The following MLLT3 variants were observed in gnomAD, a reference collection of about 807,000 sequenced individuals.
MLLT3 encodes the protein protein AF-9.
Under a neutral mutation model 53.2 loss-of-function variants are expected in MLLT3, and 4 were observed. That is an observed-to-expected ratio of 0.08 (90% CI 0.04 to 0.17). The LOEUF (loss-of-function observed/expected upper bound fraction) is 0.17, where lower values mean the gene tolerates loss of function less well. Ranked by LOEUF, MLLT3 falls within the 10% of genes least tolerant of loss-of-function variation. The pLI, the probability that MLLT3 is intolerant of heterozygous loss-of-function variation, is 1.00. For synonymous variants in MLLT3, 283 were observed against 230.6 expected, an observed-to-expected ratio of 1.23 and a Z score of -2.06; for missense variants, 569 against 684.0, an observed-to-expected ratio of 0.83 and a Z score of 1.87.
chr9:20,599,608 A>G (rs191231544), intron 2 of MLLT3, among the ~76,000 whole-genome samples: 30 of 152,336 alleles, frequency 2.0e-4, no homozygotes, highest in Non-Finnish European at 2.6e-4. Flanking sequence ...GATATGACCT[A>G]GAAGCATGGT....
At chr9:20,404,896 T>A (rs1484770326) in intron 5 of MLLT3, among the ~76,000 whole-genome samples, 1 of 152,104 alleles carries the variant, frequency 6.6e-6, no homozygotes, top group African/African-American at 2.4e-5. Flanking sequence ...ACTGGCCAGG[T>A]ATGGCTATGT....
chr9:20,446,121 T>C (rs1411270370), intron 4 of MLLT3, among the ~76,000 whole-genome samples: 3 of 152,218 alleles, frequency 2.0e-5, no homozygotes, highest in Admixed American at 2.0e-4. Context: ...TGTGGAATTA[T>C]TATGATTTTT....
At chr9:20,527,551 G>A (rs1193188104) in intron 2 of MLLT3, among the ~76,000 whole-genome samples, 1 of 152,086 alleles carries the variant, frequency 6.6e-6, no homozygotes, top group Non-Finnish European at 1.5e-5. Flanking sequence ...AATCAGCAGT[G>A]GAATTAGCCT....
chr9:20,618,338 T>C (rs1199708222), intron 2 of MLLT3, among the ~76,000 whole-genome samples: 2 of 152,230 alleles, frequency 1.3e-5, no homozygotes, highest in East Asian at 3.8e-4. Context: ...AAAGACTTTA[T>C]AAGCCAAAAA....
At chr9:20,388,571 G>C (rs1822100741) in intron 5 of MLLT3, among the ~76,000 whole-genome samples, 1 of 152,098 alleles carries the variant, frequency 6.6e-6, no homozygotes, top group Non-Finnish European at 1.5e-5. Flanking sequence ...CTGGGTGACA[G>C]AGTGAGACTC....
At chr9:20,388,297 G>C (rs1822090828) in intron 5 of MLLT3, among the ~76,000 whole-genome samples, 1 of 152,108 alleles carries the variant, frequency 6.6e-6, no homozygotes, top group Admixed American at 6.6e-5. Context: ...TATAAAGAAA[G>C]CTATTCTCTG....
intron 2 of MLLT3, among the ~76,000 whole-genome samples, chr9:20,476,051 G>A (rs1281894630): frequency 6.6e-6 from 1 of 151,858 alleles, no homozygotes; most frequent in Non-Finnish European, 1.5e-5. Context: ...CAACATTAAT[G>A]CGCTGTTTTT....
At chr9:20,477,796 TC>T (rs1197549599) in intron 2 of MLLT3, among the ~76,000 whole-genome samples, 1 of 152,116 alleles carries the variant, frequency 6.6e-6, no homozygotes, top group Non-Finnish European at 1.5e-5. Flanking sequence ...TTTTGCAAGC[TC>T]ACTTCTACCC....
chr9:20,536,226 T>G, intron 2 of MLLT3, among the ~76,000 whole-genome samples: 1 of 151,894 alleles, frequency 6.6e-6, no homozygotes, highest in East Asian at 1.9e-4. Context: ...CAGCAGGGAA[T>G]AAATGGATAG....
Position 20,620,873 on chromosome 9 carries a change from G to C in MLLT3, c.13-39C>G, listed in dbSNP as rs372064197. 3 of 1,609,786 alleles carry C rather than the reference G, an allele frequency of 1.9e-6. No homozygotes were observed. The South Asian group carries it at 3.3e-5, about 18-fold the overall frequency. ...GAGGAGAGACAGCCGTGAATAACAG[G>C]AAGGCGAGGTTTCGGCAGTGAACGT... is the stretch of plus-strand genomic sequence containing the variant. On this transcript the variant is annotated intron_variant, in intron 1 of 10. Transcript: ENST00000380338. This position sits in a 1 kb window ranked among gnomAD's most constrained non-coding sequence, Gnocchi z 6.1.
intron 2 of MLLT3, among the ~76,000 whole-genome samples, chr9:20,590,355 T>C (rs973593881): frequency 1.3e-5 from 2 of 152,294 alleles, no homozygotes; most frequent in Admixed American, 6.5e-5. Context: ...GTGTCCCCTA[T>C]GTCATCTTGA....
chr9:20,470,456 C>G (rs192469202), intron 2 of MLLT3, among the ~76,000 whole-genome samples: 78 of 152,054 alleles, frequency 5.1e-4, no homozygotes, highest in African/African-American at 1.8e-3. Context: ...TAAATAGCAA[C>G]GTTTTTGGAC....
intron 10 of MLLT3, among the ~76,000 whole-genome samples, chr9:20,351,619 A>G (rs1821032191): frequency 1.3e-5 from 2 of 152,174 alleles, no homozygotes. Flanking sequence ...GCTTTTTGTG[A>G]GCCAAATAAA....
chr9:20,441,779 A>G (rs1362098295), intron 4 of MLLT3, among the ~76,000 whole-genome samples: 1 of 152,202 alleles, frequency 6.6e-6, no homozygotes, highest in Admixed American at 6.5e-5. Flanking sequence ...AGCCACTAAA[A>G]TAATCTTCTC....
intron 2 of MLLT3, among the ~76,000 whole-genome samples, chr9:20,600,278 A>G (rs559127680): frequency 2.0e-5 from 3 of 152,326 alleles, no homozygotes; most frequent in East Asian, 1.9e-4. Context: ...GTTTGTGTGT[A>G]TGGAAAACAT....
At chr9:20,547,666 A>T (rs1201692600) in intron 2 of MLLT3, among the ~76,000 whole-genome samples, 1 of 140,668 alleles carries the variant, frequency 7.1e-6, no homozygotes, top group East Asian at 2.2e-4. Context: ...AAAAAAAGGT[A>T]CATACACTGG....
intron 4 of MLLT3, among the ~76,000 whole-genome samples, chr9:20,447,456 T>C (rs1823733265): frequency 6.6e-6 from 1 of 152,184 alleles, no homozygotes. Flanking sequence ...CAAATAGATT[T>C]TGACCAATCA....
chr9:20,556,969 T>C (rs535027489), intron 2 of MLLT3, among the ~76,000 whole-genome samples: 6 of 152,310 alleles, frequency 3.9e-5, no homozygotes, highest in East Asian at 1.9e-4. Flanking sequence ...TTGAAGACCA[T>C]GGAGCTATAC....
rs4977421 is a variant in MLLT3, at chr9:20,341,736, A to C, written c.*4707T>G. On this transcript the variant is annotated 3_prime_UTR_variant, in exon 11 of 11. Transcript: ENST00000380338. ...AGTTGTTCTCCTTCCTGTCTAATCA[A>C]GGTAGCAGTTCTTGCTGTGAAAGTA... is the stretch of plus-strand genomic sequence containing the variant. 56,867 of 188,804 alleles carry C rather than the reference A, an allele frequency of 0.3. 15,673 individuals carry two copies. Among genetic ancestry groups the C allele is most frequent in the African/African-American group, 0.7 (30,067 of 42,788 alleles). 11.7% of individuals were successfully genotyped at this position (188,804 alleles called of 1,614,324 possible). A position where few individuals can be genotyped will look rare whatever the true frequency, so the allele number is the denominator to read the frequency against.
Sources: allele counts gnomAD v4.1 joint callset (sites outside exome capture counted in the v4.1 genomes callset), GRCh38; gene constraint gnomAD v4.1.1; non-coding constraint Gnocchi (gnomAD v3.1); transcripts MANE v1.5; gene names NCBI Gene and HGNC (gene_info 2026-07-23, HGNC 2026-07-21).